The following PTPRT variants were observed in gnomAD, a reference collection of about 807,000 sequenced individuals.
The protein encoded by PTPRT is protein tyrosine phosphatase receptor type T, also known as receptor-type tyrosine-protein phosphatase T.
Under a neutral mutation model 176.8 loss-of-function variants are expected in PTPRT, and 56 were observed. That is an observed-to-expected ratio of 0.32 (90% CI 0.26 to 0.40). PTPRT has a LOEUF of 0.40. Ranked by LOEUF, PTPRT falls within the 10% of genes least tolerant of loss-of-function variation. PTPRT has a pLI of 1.00. For synonymous variants in PTPRT, 783 were observed against 739.0 expected, an observed-to-expected ratio of 1.06 and a Z score of -0.96; for missense variants, 1,540 against 1,908.2, an observed-to-expected ratio of 0.81 and a Z score of 3.60.
intron 1 of PTPRT, among the ~76,000 whole-genome samples, chr20:42,978,312 T>C (rs1983073858): frequency 6.6e-6 from 1 of 152,260 alleles, no homozygotes; most frequent in Non-Finnish European, 1.5e-5. Context: ...TATCTTATTG[T>C]TCTGTACCCA....
At position 42,098,450 on chromosome 20, in the gene PTPRT, C is replaced by T. The variant is rs1985518185; in HGVS notation, c.3817G>A (p.Val1273Met). The T allele has an allele frequency of 6.2e-7, 1 of 1,614,174 alleles. No homozygotes were observed. The highest frequency in any genetic ancestry group is 8.5e-7 in the Non-Finnish European group (1 of 1,180,024). ...LVFDYNCSSV[V>M]MLNEMDTAQF... ...GCAGTGTCCATCTCATTCAGCATCA[C>T]CACAGAGGAGCAGTTGTAATCGAAC... Residue 1273 changes from valine (V) to methionine (M), a missense_variant, in exon 27 of 31, where the codon GTG becomes ATG. By Grantham distance (21) the Val-to-Met change is conservative. Coordinates refer to ENST00000373187, the MANE Select transcript of PTPRT (RefSeq NM_007050.6).
chr20:42,703,443 A>T (rs1190659871), intron 6 of PTPRT, among the ~76,000 whole-genome samples: 2 of 152,206 alleles, frequency 1.3e-5, no homozygotes, highest in African/African-American at 4.8e-5. Flanking sequence ...AAGAAAGAGC[A>T]TTGTTACCAG....
At chr20:42,331,620 C>T (rs534659183) in intron 11 of PTPRT, among the ~76,000 whole-genome samples, 16 of 152,144 alleles carry the variant, frequency 1.1e-4, no homozygotes, top group Non-Finnish European at 2.4e-4. Context: ...TATGGGAAGA[C>T]GTAACCTACT....
intron 1 of PTPRT, among the ~76,000 whole-genome samples, chr20:43,104,922 T>C (rs188004235): frequency 1.3e-5 from 2 of 152,206 alleles, no homozygotes; most frequent in Admixed American, 6.5e-5. Context: ...CTATCTCAAA[T>C]TATCCTACAA....
chr20:42,939,038 T>C (rs755183608), intron 1 of PTPRT, among the ~76,000 whole-genome samples: 1 of 152,202 alleles, frequency 6.6e-6, no homozygotes, highest in Non-Finnish European at 1.5e-5. Context: ...GAGGGTTTTA[T>C]CAATTCACTT....
chr20:42,750,896 A>G (rs566269120), intron 6 of PTPRT, among the ~76,000 whole-genome samples: 3 of 152,324 alleles, frequency 2.0e-5, no homozygotes, highest in South Asian at 4.1e-4. Context: ...CGAATTGTCA[A>G]TTGAGCGAAA....
At position 43,005,718 on chromosome 20, in the gene PTPRT, C is replaced by T. The variant is rs538339770; in HGVS notation, c.89-119786G>A. Among the ~76,000 whole-genome samples the T allele has an allele frequency of 4.6e-5, 7 of 152,330 alleles. No homozygotes were observed. In the East Asian group the frequency reaches 7.7e-4, roughly 17 times the overall value. On this transcript the variant is annotated intron_variant, in intron 1 of 30. Transcript: ENST00000373187. Reference sequence around the variant, plus strand: ...AGCTCAGAGCCTGCAATGCTGACGGCATTCAAATTCTGGTAAATGAATAAT... The same window carrying T: ...AGCTCAGAGCCTGCAATGCTGACGGTATTCAAATTCTGGTAAATGAATAAT...
At chr20:42,797,755 C>T (rs1436899459) in intron 2 of PTPRT, among the ~76,000 whole-genome samples, 2 of 152,044 alleles carry the variant, frequency 1.3e-5, no homozygotes. Context: ...TCACAAGGGT[C>T]CTTTAGGTAG....
In PTPRT at chr20:42,230,827, AC is replaced by A. The variant is rs2056118613; in HGVS notation, c.2342+5401del. Among the ~76,000 whole-genome samples the A allele has an allele frequency of 2.0e-5, 3 of 152,352 alleles. No individual in the cohort carries two copies. In the South Asian group the frequency reaches 6.2e-4, roughly 32 times the overall value. The stretch of plus-strand genomic sequence containing the variant: ...CATTTGTGTGTGCGTGTGCGTGTAT[AC>A]TGGAGAGACAATAATGGGCCTTATC... On this transcript the variant is annotated intron_variant, in intron 15 of 30. Coordinates refer to ENST00000373187, the MANE Select transcript of PTPRT (RefSeq NM_007050.6).
chr20:42,667,835 T>A (rs1041438567), intron 7 of PTPRT, among the ~76,000 whole-genome samples: 1 of 152,168 alleles, frequency 6.6e-6, no homozygotes, highest in African/African-American at 2.4e-5. Context: ...CAGAGGCTTT[T>A]AAAGGAAGGC....
chr20:42,303,566 T>G, intron 12 of PTPRT, among the ~76,000 whole-genome samples: 1 of 152,226 alleles, frequency 6.6e-6, no homozygotes, highest in East Asian at 1.9e-4. Flanking sequence ...GTTCTCTTGT[T>G]TCTGGAGTAT....
intron 7 of PTPRT, among the ~76,000 whole-genome samples, chr20:42,521,474 G>T (rs1312517073): frequency 6.6e-6 from 1 of 152,142 alleles, no homozygotes; most frequent in Non-Finnish European, 1.5e-5. Flanking sequence ...TTGATTTATA[G>T]ATCCTTTTCC....
intron 1 of PTPRT, among the ~76,000 whole-genome samples, chr20:42,951,172 A>AT (rs1981217192): frequency 6.6e-6 from 1 of 152,132 alleles, no homozygotes; most frequent in South Asian, 2.1e-4. Flanking sequence ...TATATGATAG[A>AT]TGGATGGGTA....
At chr20:42,432,866 T>C (rs1568873543) in intron 9 of PTPRT, among the ~76,000 whole-genome samples, 1 of 152,218 alleles carries the variant, frequency 6.6e-6, no homozygotes, top group Non-Finnish European at 1.5e-5. Context: ...TTTATGTCTT[T>C]GCCTGTAAAT....
At chr20:42,479,317 T>C (rs1248700467) in intron 7 of PTPRT, among the ~76,000 whole-genome samples, 9 of 152,242 alleles carry the variant, frequency 5.9e-5, no homozygotes, top group African/African-American at 1.9e-4. Context: ...GTGGATAGCT[T>C]GTATGCAAAA....
chr20:42,094,281 T>G (rs1250570604), intron 27 of PTPRT, among the ~76,000 whole-genome samples: 1 of 152,136 alleles, frequency 6.6e-6, no homozygotes, highest in Non-Finnish European at 1.5e-5. Flanking sequence ...GCCAAAAGCG[T>G]AGGGTGGTGA....
chr20:42,166,368 G>A (rs573824841), intron 16 of PTPRT, among the ~76,000 whole-genome samples: 12 of 152,146 alleles, frequency 7.9e-5, no homozygotes, highest in Non-Finnish European at 1.5e-4. Flanking sequence ...ACTTTGAAAT[G>A]TGCCTACTGG....
At chr20:42,905,273 T>C (rs1211279255) in intron 1 of PTPRT, among the ~76,000 whole-genome samples, 1 of 152,160 alleles carries the variant, frequency 6.6e-6, no homozygotes, top group Non-Finnish European at 1.5e-5. Flanking sequence ...GCCAGACACT[T>C]ATCAAAAGAA....
chr20:42,283,108 G>C (rs2057168001), intron 12 of PTPRT, among the ~76,000 whole-genome samples: 1 of 152,122 alleles, frequency 6.6e-6, no homozygotes, highest in Admixed American at 6.6e-5. Flanking sequence ...TAGAATCTTT[G>C]CTAGGTGAAC....
Sources: allele counts gnomAD v4.1 joint callset (sites outside exome capture counted in the v4.1 genomes callset), GRCh38; gene constraint gnomAD v4.1.1; transcripts MANE v1.5; gene names NCBI Gene and HGNC (gene_info 2026-07-23, HGNC 2026-07-21).